The following TENM4 variants were observed in gnomAD, a reference collection of about 807,000 sequenced individuals.
TENM4 encodes the protein teneurin transmembrane protein 4, also known as teneurin-4.
Under a neutral mutation model 243.3 loss-of-function variants are expected in TENM4, and 82 were observed. The ratio of observed to expected loss-of-function variants is 0.34; its 90% CI spans 0.28 to 0.40. The LOEUF is 0.40. Among genes scored for constraint, TENM4 ranks in the 10% least tolerant of loss-of-function variants. TENM4 has a pLI of 1.00. For synonymous variants in TENM4, 1,412 were observed against 1,456.3 expected, an observed-to-expected ratio of 0.97 and a Z score of 0.69; for missense variants, 3,138 against 3,673.3, an observed-to-expected ratio of 0.85 and a Z score of 3.77.
chr11:79,035,659 C>T (rs2136876287), intron 6 of TENM4, among the ~76,000 whole-genome samples: 1 of 152,238 alleles, frequency 6.6e-6, no homozygotes, highest in South Asian at 2.1e-4. Context: ...CTCAGAAATG[C>T]CTGTGAAGCT....
intron 6 of TENM4, among the ~76,000 whole-genome samples, chr11:79,041,139 A>G (rs544570960): frequency 3.2e-4 from 49 of 151,990 alleles, no homozygotes; most frequent in Admixed American, 4.6e-4. Flanking sequence ...TCTTAGCTCA[A>G]TGCAACCTCC....
At chr11:78,684,335 T>C (rs2135711368) in intron 29 of TENM4, among the ~76,000 whole-genome samples, 1 of 152,374 alleles carries the variant, frequency 6.6e-6, no homozygotes, top group East Asian at 1.9e-4. Flanking sequence ...ACAATAATTG[T>C]ACCCTGCTTT....
intron 1 of TENM4, among the ~76,000 whole-genome samples, chr11:79,321,751 G>T (rs1856894781): frequency 6.6e-6 from 1 of 151,876 alleles, no homozygotes; most frequent in Non-Finnish European, 1.5e-5. Flanking sequence ...AGATGGAAAT[G>T]CTGAGTGCAA....
intron 1 of TENM4, among the ~76,000 whole-genome samples, chr11:79,357,480 C>T (rs1857516828): frequency 6.6e-6 from 1 of 152,102 alleles, no homozygotes; most frequent in African/African-American, 2.4e-5. Flanking sequence ...GGGTGTTGTC[C>T]ACTCCCACCT....
intron 21 of TENM4, among the ~76,000 whole-genome samples, chr11:78,730,474 C>T (rs1237178655): frequency 2.0e-5 from 3 of 152,148 alleles, no homozygotes; most frequent in Non-Finnish European, 4.4e-5. Context: ...CTGCACGGAG[C>T]TTCTGGCCAC....
At chr11:79,439,847 C>G (rs1590968608) in intron 1 of TENM4, among the ~76,000 whole-genome samples, 1 of 152,138 alleles carries the variant, frequency 6.6e-6, no homozygotes, top group Non-Finnish European at 1.5e-5. Flanking sequence ...CACTCACACC[C>G]GGGAGCCCTC....
intron 1 of TENM4, among the ~76,000 whole-genome samples, chr11:79,434,609 A>G (rs1187437523): frequency 6.6e-6 from 1 of 152,248 alleles, no homozygotes; most frequent in Non-Finnish European, 1.5e-5. Flanking sequence ...GAATTTGTGT[A>G]TCAGTTCAGC....
At chr11:78,940,199 C>A (rs1456482903) in intron 6 of TENM4, among the ~76,000 whole-genome samples, 4 of 152,134 alleles carry the variant, frequency 2.6e-5, no homozygotes, top group Non-Finnish European at 4.4e-5. Flanking sequence ...CCAATCTCCA[C>A]TTAACATTAT....
chr11:79,155,618 C>G (rs1212305053), intron 3 of TENM4, among the ~76,000 whole-genome samples: 3 of 137,452 alleles, frequency 2.2e-5, no homozygotes, highest in African/African-American at 5.4e-5. Flanking sequence ...CTTTCCCTCC[C>G]TCCCTCCCTC....
intron 9 of TENM4, among the ~76,000 whole-genome samples, chr11:78,880,249 A>T (rs1781810296): frequency 6.6e-6 from 1 of 152,178 alleles, no homozygotes. Flanking sequence ...CAGATGCTTG[A>T]AGGCAGCATG....
chr11:79,376,083 T>C (rs1296374367), intron 1 of TENM4, among the ~76,000 whole-genome samples: 1 of 152,204 alleles, frequency 6.6e-6, no homozygotes, highest in East Asian at 1.9e-4. Flanking sequence ...AGCAGACAGT[T>C]TGCATTCAGA....
intron 1 of TENM4, among the ~76,000 whole-genome samples, chr11:79,439,575 A>AC (rs1252280279): frequency 3.6e-5 from 5 of 137,608 alleles, no homozygotes; most frequent in Admixed American, 2.1e-4. Context: ...AACTCGCCCG[A>AC]CCCCCCCGCC....
chr11:78,948,615 C>A (rs1333469201), intron 6 of TENM4, among the ~76,000 whole-genome samples: 1 of 152,212 alleles, frequency 6.6e-6, no homozygotes, highest in Non-Finnish European at 1.5e-5. Context: ...TCGTGATCTG[C>A]CTGCCTTGGC....
intron 5 of TENM4, 51 bp downstream of exon 5, chr11:79,069,671 T>A: frequency 6.6e-7 from 1 of 1,511,216 alleles, no homozygotes; most frequent in Non-Finnish European, 8.9e-7. Flanking sequence ...CATGCCTACC[T>A]GAGCCAAGCT....
intron 1 of TENM4, among the ~76,000 whole-genome samples, chr11:79,302,262 G>T (rs1023423476): frequency 6.6e-6 from 1 of 152,200 alleles, no homozygotes; most frequent in Non-Finnish European, 1.5e-5. Context: ...CTTCAAATGT[G>T]CAGGGTCTAA....
chr11:79,371,373 G>C (rs1857783010), intron 1 of TENM4, among the ~76,000 whole-genome samples: 1 of 152,146 alleles, frequency 6.6e-6, no homozygotes, highest in Admixed American at 6.5e-5. Context: ...CTTGCTTCTG[G>C]TCACCGGCTG....
At chr11:79,222,354 C>T (rs1590806018) in intron 2 of TENM4, among the ~76,000 whole-genome samples, 1 of 152,280 alleles carries the variant, frequency 6.6e-6, no homozygotes, top group South Asian at 2.1e-4. Flanking sequence ...TTTATGGCTG[C>T]ATAGTATTCC....
rs529730258 is a variant in TENM4 at position 79,131,668 on chromosome 11, G to A, written c.-66+17042C>T. On this transcript the variant is annotated intron_variant, in intron 4 of 33. Coordinates refer to ENST00000278550, the MANE Select transcript of TENM4 (RefSeq NM_001098816.3). ...AAAGTACACTGGCAACAAATAGCAC[G>A]ATGAATGCAATGCTGTCTCACATCT... 1.2e-4 allele frequency among the ~76,000 whole-genome samples: 18 copies of A among 152,248 alleles called. No homozygotes were observed. The South Asian group carries it at 3.5e-3, about 30-fold the overall frequency.
At chr11:78,695,660 G>T (rs909376882) in intron 28 of TENM4, among the ~76,000 whole-genome samples, 5 of 150,474 alleles carry the variant, frequency 3.3e-5, no homozygotes, top group African/African-American at 1.3e-4. Flanking sequence ...ACTGCACCTG[G>T]CTGTGGACAG....
Sources: gnomAD v4.1 joint callset for allele counts (sites outside exome capture counted in the v4.1 genomes callset) on GRCh38, gnomAD v4.1.1 for gene constraint, MANE v1.5 for transcripts, NCBI Gene and HGNC (gene_info 2026-07-23, HGNC 2026-07-21) for gene names.